The following DLC1 variants were observed in gnomAD, a reference collection of about 807,000 sequenced individuals.
The protein encoded by DLC1 is DLC1 Rho GTPase activating protein, also known as rho GTPase-activating protein 7.
DLC1 carries 54 observed loss-of-function variants against 140.3 expected under a neutral mutation model. That is an observed-to-expected ratio of 0.38 (90% CI 0.31 to 0.48). The LOEUF is 0.48. Ranked by LOEUF, DLC1 falls within the 20% of genes least tolerant of loss-of-function variation. The pLI is 0.96. For missense variants in DLC1, 2,536 were observed against 1,907.0 expected (o/e 1.33, Z -6.14); for synonymous variants, 986 against 728.1 (o/e 1.35, Z -5.70).
intron 5 of DLC1, among the ~76,000 whole-genome samples, chr8:13,131,054 A>T (rs900039385): frequency 6.6e-6 from 1 of 152,214 alleles, no homozygotes; most frequent in South Asian, 2.1e-4. Context: ...TTGTGCACAC[A>T]TCTGCTAACC....
rs74729567 is a variant in DLC1 at position 13,149,833 on chromosome 8, C to G, written c.1349-34176G>C. Among the ~76,000 whole-genome samples the G allele has an allele frequency of 2.5e-3, 379 of 152,320 alleles. 2 individuals carry two copies. The highest frequency in any genetic ancestry group is 8.7e-3 in the African/African-American group (361 of 41,564). On this transcript the variant is annotated intron_variant, in intron 5 of 17. Coordinates refer to ENST00000276297, the MANE Select transcript of DLC1 (RefSeq NM_182643.3). ...TGTGAGACCAAAGCTCCATGAACAG[C>G]TCCTGGGGGCGTCAGGCCTCTTGTT...
chr8:13,381,556 C>T (rs1316522943), intron 4 of DLC1, among the ~76,000 whole-genome samples: 1 of 152,144 alleles, frequency 6.6e-6, no homozygotes, highest in African/African-American at 2.4e-5. Context: ...GTCGTTGTCT[C>T]TTAGATTTTT....
At chr8:13,155,084 C>A (rs1233313401) in intron 5 of DLC1, among the ~76,000 whole-genome samples, 2 of 151,446 alleles carry the variant, frequency 1.3e-5, no homozygotes, top group Non-Finnish European at 2.9e-5. Context: ...TTTAAACACA[C>A]CCTTTTTCTT....
intron 5 of DLC1, chr8:13,116,132 C>A: frequency 1.0e-6 from 1 of 987,020 alleles, no homozygotes; most frequent in Non-Finnish European, 1.2e-6. Context: ...TTGGGTGTTT[C>A]AAAAGCCCCT....
intron 4 of DLC1, among the ~76,000 whole-genome samples, chr8:13,357,417 C>G (rs143456834): frequency 6.6e-6 from 1 of 152,354 alleles, no homozygotes; most frequent in African/African-American, 2.4e-5. Context: ...GCTGCTAAGA[C>G]TCCAGCTTGC....
At chr8:13,498,564 C>T (rs1424898963) in intron 2 of DLC1, among the ~76,000 whole-genome samples, 1 of 152,036 alleles carries the variant, frequency 6.6e-6, no homozygotes. Context: ...GTAGTTTAGC[C>T]TTTGTATATG....
At chr8:13,484,515 C>T (rs985579878) in intron 2 of DLC1, among the ~76,000 whole-genome samples, 1 of 152,084 alleles carries the variant, frequency 6.6e-6, no homozygotes, top group South Asian at 2.1e-4. Context: ...TATACTTTAA[C>T]TTGCTTTGCT....
chr8:13,186,677 CA>C (rs1826388067), intron 5 of DLC1, among the ~76,000 whole-genome samples: 1 of 152,230 alleles, frequency 6.6e-6, no homozygotes, highest in African/African-American at 2.4e-5. Context: ...ATTCTCCATC[CA>C]GCTTTGTTCC....
chr8:13,273,917 T>G (rs1196232691), intron 5 of DLC1, among the ~76,000 whole-genome samples: 1 of 152,110 alleles, frequency 6.6e-6, no homozygotes, highest in Non-Finnish European at 1.5e-5. Context: ...AAGGCAATAA[T>G]CATCACCGAA....
At chr8:13,309,702 G>T (rs562696183) in intron 4 of DLC1, among the ~76,000 whole-genome samples, 1 of 152,092 alleles carries the variant, frequency 6.6e-6, no homozygotes, top group Non-Finnish European at 1.5e-5. Context: ...TGCAGAAATG[G>T]CTTTCTGCAC....
At chr8:13,591,213 C>T (rs576154161) in intron 1 of DLC1, among the ~76,000 whole-genome samples, 2 of 152,226 alleles carry the variant, frequency 1.3e-5, no homozygotes, top group South Asian at 4.1e-4. Context: ...TTATCACACT[C>T]ATTTTTTATT....
intron 2 of DLC1, among the ~76,000 whole-genome samples, chr8:13,430,359 T>C (rs1400723949): frequency 6.6e-6 from 1 of 152,140 alleles, no homozygotes; most frequent in African/African-American, 2.4e-5. Context: ...CAAAAGTAAA[T>C]GGTACGAGAA....
chr8:13,386,329 C>G (rs1836518060), intron 4 of DLC1, among the ~76,000 whole-genome samples: 1 of 151,956 alleles, frequency 6.6e-6, no homozygotes, highest in African/African-American at 2.4e-5. Context: ...CTTAATTAAC[C>G]AGATTACTAC....
chr8:13,454,345 A>C (rs1019235679), intron 2 of DLC1, among the ~76,000 whole-genome samples: 4 of 152,192 alleles, frequency 2.6e-5, no homozygotes, highest in African/African-American at 9.7e-5. Flanking sequence ...GGAAAAAAAA[A>C]GTTCCTGTCT....
chr8:13,148,139 G>C (rs1047381224), intron 5 of DLC1, among the ~76,000 whole-genome samples: 1 of 151,778 alleles, frequency 6.6e-6, no homozygotes, highest in African/African-American at 2.4e-5. Context: ...TTAATTTTAG[G>C]TCTGGGGTAC....
chr8:13,125,298 G>A (rs1001988102), intron 5 of DLC1, among the ~76,000 whole-genome samples: 17 of 152,122 alleles, frequency 1.1e-4, no homozygotes, highest in Non-Finnish European at 1.8e-4. Context: ...TTAAGAGATC[G>A]ACTTCTTGAT....
chr8:13,317,592 A>T lies in DLC1; in HGVS notation c.1315-12290T>A, dbSNP rs1248472415. 2.6e-5 allele frequency among the ~76,000 whole-genome samples: 4 copies of T among 152,120 alleles called. No homozygotes were observed. The East Asian group carries it at 7.7e-4, about 29-fold the overall frequency. On this transcript the variant is annotated intron_variant, in intron 4 of 17. Coordinates refer to ENST00000276297, the MANE Select transcript of DLC1 (RefSeq NM_182643.3). ...GGTCAGTATTTTTTTGACCAATATC[A>T]CTGAGGCATAAAGATCGCATCTGTA...
chr8:13,352,495 C>T (rs897936552), intron 4 of DLC1, among the ~76,000 whole-genome samples: 1 of 152,078 alleles, frequency 6.6e-6, no homozygotes, highest in Non-Finnish European at 1.5e-5. Flanking sequence ...AGTCCTCCCA[C>T]CTCGGCCTCG....
chr8:13,110,955 C>T (rs1820054597), intron 6 of DLC1, 132 bp from the exon 7 acceptor site: 9 of 741,722 alleles, frequency 1.2e-5, no homozygotes, highest in Admixed American at 5.0e-5. Context: ...CCTCATTCCC[C>T]GTCAAGTTCT....
Sources: allele counts gnomAD v4.1 joint callset (sites outside exome capture counted in the v4.1 genomes callset), GRCh38; gene constraint gnomAD v4.1.1; transcripts MANE v1.5; gene names NCBI Gene and HGNC (gene_info 2026-07-23, HGNC 2026-07-21).